Variants in NCEH1 observed in about 807,000 individuals in gnomAD.
The protein encoded by NCEH1 is 2-acetyl MAGE hydrolase.
Under a neutral mutation model 25.4 loss-of-function variants are expected in NCEH1, and 9 were observed. That is an observed-to-expected ratio of 0.35 (90% CI 0.21 to 0.62). NCEH1 has a LOEUF of 0.62. Among genes scored for constraint, NCEH1 ranks in the 20% least tolerant of loss-of-function variants. NCEH1 has a pLI of 0.72. For missense variants in NCEH1, 412 were observed against 501.1 expected (o/e 0.82, Z 1.70); for synonymous variants, 200 against 199.8 (o/e 1.00, Z -0.01).
rs1449879227 is a variant in NCEH1, at chr3:172,683,335, G to A, written c.138+27512C>T. Among the ~76,000 whole-genome samples the A allele has an allele frequency of 8.6e-5, 6 of 69,686 alleles. 2 individuals are homozygous for A. The highest frequency in any genetic ancestry group is 1.0e-3 in the South Asian group (2 of 1,908). The allele number at this position is 69,686 out of a possible 152,430, so 45.7% of individuals were successfully genotyped here. ...GGAGAATGGCGTGAACCCGGGAGGC[G>A]GAGCTTGCAGTGAGCCGAGATCCCG... On this transcript the variant is annotated intron_variant, in intron 1 of 4. Coordinates refer to ENST00000475381, the MANE Select transcript of NCEH1 (RefSeq NM_020792.6).
intron 1 of NCEH1, among the ~76,000 whole-genome samples, chr3:172,674,218 G>A (rs886238626): frequency 1.3e-5 from 2 of 152,170 alleles, no homozygotes. Context: ...GAGGCAGGCA[G>A]ATCACGAGGT....
At chr3:172,696,124 T>C (rs1478259858) in intron 1 of NCEH1, among the ~76,000 whole-genome samples, 1 of 152,184 alleles carries the variant, frequency 6.6e-6, no homozygotes, top group Non-Finnish European at 1.5e-5. Flanking sequence ...AAGAAACTCA[T>C]ATACACAATT....
chr3:172,639,260 T>C (rs978543345), intron 3 of NCEH1, among the ~76,000 whole-genome samples: 3 of 143,032 alleles, frequency 2.1e-5, no homozygotes, highest in African/African-American at 8.0e-5. Context: ...ATCACGCCAC[T>C]GCACTCCAGA....
At chr3:172,653,956 T>C (rs1717574170) in intron 1 of NCEH1, among the ~76,000 whole-genome samples, 1 of 152,066 alleles carries the variant, frequency 6.6e-6, no homozygotes, top group African/African-American at 2.4e-5. Flanking sequence ...AAGGTTTCAC[T>C]GTGCTGGCTA....
chr3:172,637,815 G>A (rs775849541), intron 3 of NCEH1, among the ~76,000 whole-genome samples: 3 of 152,166 alleles, frequency 2.0e-5, no homozygotes, highest in Non-Finnish European at 4.4e-5. Flanking sequence ...CTTGAACCCA[G>A]GAGGCGGAGG....
intron 1 of NCEH1, among the ~76,000 whole-genome samples, chr3:172,699,866 CA>C: frequency 6.6e-6 from 1 of 151,956 alleles, no homozygotes; most frequent in African/African-American, 2.4e-5. Flanking sequence ...TGTCTCAAAA[CA>C]AAGAAAAAAA....
chr3:172,698,125 C>T (rs1340916188), intron 1 of NCEH1, among the ~76,000 whole-genome samples: 2 of 151,768 alleles, frequency 1.3e-5, no homozygotes, highest in African/African-American at 2.4e-5. Flanking sequence ...TACAGGCACC[C>T]GCCACCATGC....
intron 3 of NCEH1, among the ~76,000 whole-genome samples, chr3:172,638,612 A>G (rs1323118578): frequency 1.3e-5 from 2 of 152,122 alleles, no homozygotes; most frequent in Admixed American, 6.5e-5. Flanking sequence ...TAATAAAAAC[A>G]AATGTACTTC....
At chr3:172,698,868 C>A (rs1049949137) in intron 1 of NCEH1, among the ~76,000 whole-genome samples, 1 of 152,186 alleles carries the variant, frequency 6.6e-6, no homozygotes, top group East Asian at 1.9e-4. Context: ...CTGCCCCTTG[C>A]GACAGACGCG....
intron 1 of NCEH1, among the ~76,000 whole-genome samples, chr3:172,663,683 T>C (rs1718071587): frequency 6.6e-6 from 1 of 152,186 alleles, no homozygotes; most frequent in South Asian, 2.1e-4. Flanking sequence ...AGTTAGCACT[T>C]CTTGTTGAAT....
chr3:172,636,572 C>T (rs557693384), intron 3 of NCEH1, among the ~76,000 whole-genome samples: 1 of 152,302 alleles, frequency 6.6e-6, no homozygotes, highest in East Asian at 1.9e-4. Flanking sequence ...CTGTACTTCA[C>T]TGGAGAGGTC....
rs1177683368 is a variant in NCEH1, at chr3:172,633,434, G to A, written c.*41C>T. ...GCATGTCTTTCCAAAGCAGGTGTAG[G>A]AGGTCAAGAGGGGCTCGAGGCTTCT... is the stretch of plus-strand genomic sequence containing the variant. On this transcript the variant is annotated 3_prime_UTR_variant, in exon 5 of 5. Transcript: ENST00000475381. 6.3e-7 allele frequency: 1 copy of A among 1,576,868 alleles called. No individual in the cohort carries two copies. Among genetic ancestry groups the A allele is most frequent in the South Asian group, 1.2e-5 (1 of 84,798 alleles).
intron 1 of NCEH1, among the ~76,000 whole-genome samples, chr3:172,674,103 A>G (rs1194410023): frequency 2.0e-5 from 3 of 152,226 alleles, no homozygotes; most frequent in Admixed American, 6.5e-5. Context: ...ATTTAACCCA[A>G]GAAATGTGGT....
rs937792395 is a variant in NCEH1, at chr3:172,630,765, C to A, written c.*2710G>T. The A allele has an allele frequency of 2.0e-5, 3 of 152,142 alleles. No individual in the cohort carries two copies. The highest frequency in any genetic ancestry group is 2.9e-5 in the Non-Finnish European group (2 of 68,024). 9.4% of individuals were successfully genotyped at this position (152,142 alleles called of 1,614,324 possible). A position where few individuals can be genotyped will look rare whatever the true frequency, so the allele number is the denominator to read the frequency against. On this transcript the variant is annotated 3_prime_UTR_variant, in exon 5 of 5. Transcript: ENST00000475381. Reference sequence around the variant, plus strand: ...AAATATATTTGCTATTAAAATCATTCATAAAATCTACCTTCCCCTTCGTAG... The same window carrying A: ...AAATATATTTGCTATTAAAATCATTAATAAAATCTACCTTCCCCTTCGTAG...
intron 4 of NCEH1, among the ~76,000 whole-genome samples, chr3:172,635,302 G>A (rs1352600834): frequency 1.3e-5 from 2 of 152,230 alleles, no homozygotes; most frequent in African/African-American, 4.8e-5. Flanking sequence ...ATTTGGAGGT[G>A]AGAAGACAAA....
In NCEH1 at chr3:172,633,778, G is replaced by T. The variant is rs1560176160; in HGVS notation, c.924C>A (p.Gly308=). Residue 308 remains glycine, a synonymous_variant, in exon 5 of 5, where the codon GGC becomes GGA. Transcript: ENST00000475381. ...KNYKPVVQTT[G]NARIVQELPQ... ...GAAGCTCCTGGACAATCCTGGCATTGCCTGTGGTCTGTACAACAGGCTTGT... is the reference window on the plus strand; with the variant it reads ...GAAGCTCCTGGACAATCCTGGCATTTCCTGTGGTCTGTACAACAGGCTTGT... 1 of 1,614,244 alleles carries T rather than the reference G, an allele frequency of 6.2e-7. No individual in the cohort carries two copies. Among genetic ancestry groups the T allele is most frequent in the Non-Finnish European group, 8.5e-7 (1 of 1,180,048 alleles).
chr3:172,669,268 G>A (rs534272911), intron 1 of NCEH1, among the ~76,000 whole-genome samples: 8 of 152,314 alleles, frequency 5.3e-5, no homozygotes, highest in African/African-American at 1.7e-4. Context: ...ATCTGCCTAG[G>A]AAGCAGTGGA....
chr3:172,643,038 A>C (rs541898391), intron 3 of NCEH1, among the ~76,000 whole-genome samples: 1 of 152,236 alleles, frequency 6.6e-6, no homozygotes, highest in Non-Finnish European at 1.5e-5. Context: ...TCCCGGGTTC[A>C]AGTGATTCTC....
chr3:172,682,586 G>T (rs1577081556), intron 1 of NCEH1, among the ~76,000 whole-genome samples: 1 of 152,106 alleles, frequency 6.6e-6, no homozygotes, highest in Non-Finnish European at 1.5e-5. Flanking sequence ...ACGGACTTTG[G>T]GGGTAGGTTT....
Sources: allele counts gnomAD v4.1 joint callset (sites outside exome capture counted in the v4.1 genomes callset), GRCh38; gene constraint gnomAD v4.1.1; transcripts MANE v1.5; gene names NCBI Gene and HGNC (gene_info 2026-07-23, HGNC 2026-07-21).